Variants in ENG observed in about 807,000 individuals in gnomAD.
ENG encodes the protein CD105 antigen.
Under a neutral mutation model 71.0 loss-of-function variants are expected in ENG, and 17 were observed. That is an observed-to-expected ratio of 0.24 (90% CI 0.16 to 0.36). The LOEUF (loss-of-function observed/expected upper bound fraction) is 0.36. Among genes scored for constraint, ENG ranks in the 10% least tolerant of loss-of-function variants. The pLI is 1.00. For synonymous variants in ENG, 360 were observed against 366.9 expected, an observed-to-expected ratio of 0.98 and a Z score of 0.21; for missense variants, 749 against 868.3, an observed-to-expected ratio of 0.86 and a Z score of 1.73.
At chr9:127,822,727 T>C (rs1039373112) in intron 8 of ENG, among the ~76,000 whole-genome samples, 2 of 152,240 alleles carry the variant, frequency 1.3e-5, no homozygotes, top group Non-Finnish European at 2.9e-5. Context: ...TACATCAATA[T>C]AAGAAATACA....
Position 127,821,880 on chromosome 9 carries a change from T to TA in ENG, c.1135-1844dup, listed in dbSNP as rs34166162. On this transcript the variant is annotated intron_variant, in intron 8 of 14. Transcript: ENST00000373203. ...CCCGGGCAATAGTGTGAGACTGTCTTAAAAAAAAAAAAAAAAAAAAAAAGC... is the reference window on the plus strand; with the variant it reads ...CCCGGGCAATAGTGTGAGACTGTCTTAAAAAAAAAAAAAAAAAAAAAAAAGC... 9.3e-3 allele frequency among the ~76,000 whole-genome samples: 492 copies of TA among 53,006 alleles called. 3 individuals carry two copies. Among genetic ancestry groups the TA allele is most frequent in the African/African-American group, 0.03 (421 of 13,984 alleles). 34.8% of individuals were successfully genotyped at this position (53,006 alleles called of 152,430 possible).
Position 127,825,700 on chromosome 9 carries a change from C to A in ENG, c.684G>T (p.Ser228=). 6.3e-7 allele frequency: 1 copy of A among 1,581,692 alleles called. No individual in the cohort carries two copies. Among genetic ancestry groups the A allele is most frequent in the Non-Finnish European group, 8.6e-7 (1 of 1,167,484 alleles). Residue 228 remains serine (S), a synonymous_variant, in exon 5 of 15, where the codon TCG becomes TCT. Coordinates refer to ENST00000373203, the MANE Select transcript of ENG (RefSeq NM_001114753.3). ...AHILRVLPGH[S]AGPRTVTVKV... Reference sequence around the variant, plus strand: ...GGGCGGGGCGAGAGCCATACCCGGCCGAGTGGCCCGGCAGGACCCTCAGGA... The same window carrying A: ...GGGCGGGGCGAGAGCCATACCCGGCAGAGTGGCCCGGCAGGACCCTCAGGA...
At position 127,843,035 on chromosome 9, in the gene ENG, C is replaced by G. The variant is rs1221914498; in HGVS notation, c.219+59G>C. ...ACAGCCACAAGGAAGGCACCCCTCA[C>G]CCCATCTGCCTTGGAGCTTCCTCTG... On this transcript the variant is annotated intron_variant, in intron 2 of 14. Coordinates refer to ENST00000373203, the MANE Select transcript of ENG (RefSeq NM_001114753.3). The G allele has an allele frequency of 2.5e-6, 4 of 1,611,448 alleles. No homozygotes were observed. The African/African-American group carries it at 5.3e-5, about 22-fold the overall frequency.
intron 3 of ENG, among the ~76,000 whole-genome samples, chr9:127,828,518 C>T (rs1314580164): frequency 6.6e-6 from 1 of 152,336 alleles, no homozygotes; most frequent in East Asian, 1.9e-4. Context: ...GACCTTCCGG[C>T]TGGCGGGCGC....
At chr9:127,837,216 C>T (rs902327592) in intron 2 of ENG, among the ~76,000 whole-genome samples, 17 of 152,258 alleles carry the variant, frequency 1.1e-4, no homozygotes, top group Admixed American at 8.5e-4. Context: ...AACTACAAAT[C>T]TCTCAGCCAT....
chr9:127,818,419 T>C (rs1564452799), intron 11 of ENG, 42 bp from the exon 12 acceptor site: 2 of 1,608,552 alleles, frequency 1.2e-6, no homozygotes, highest in Admixed American at 1.7e-5. Flanking sequence ...GCAGCTGCTC[T>C]TCACCCCACC....
rs936433185 is a variant in ENG, at chr9:127,836,636, C to T, written c.219+6458G>A. Among the ~76,000 whole-genome samples, 2 of 152,234 alleles carry T rather than the reference C, an allele frequency of 1.3e-5. No homozygotes were observed. Among genetic ancestry groups the T allele is most frequent in the African/African-American group, 4.8e-5 (2 of 41,458 alleles). ...ACCTGAATTCAGATGGGGGCTCAGT[C>T]ATTAGCCTGTGACCTTGGACAGTCA... On this transcript the variant is annotated intron_variant, in intron 2 of 14. Transcript: ENST00000373203. This position sits in a 1 kb window ranked among gnomAD's most constrained non-coding sequence, Gnocchi z 4.0.
At chr9:127,832,069 C>CTTTTTTTTTTT (rs1041729379) in intron 2 of ENG, among the ~76,000 whole-genome samples, 10 of 83,620 alleles carry the variant, frequency 1.2e-4, no homozygotes, top group African/African-American at 2.3e-4. Context: ...AGCTACCATT[C>CTTTTTTTTTTT]TTTTTTTTTT....
chr9:127,854,380 C>G lies in ENG; in HGVS notation c.-25G>C, dbSNP rs1829098305. ...TGCTGTCCACGTGGGGGCCTGTGCG[C>G]TGGGCCTTATCCTGTGTCCAGTGGC... On this transcript the variant is annotated 5_prime_UTR_variant, in exon 1 of 15. Transcript: ENST00000373203. 10 of 1,569,860 alleles carry G rather than the reference C, an allele frequency of 6.4e-6. No individual in the cohort carries two copies. The highest frequency in any genetic ancestry group is 7.8e-6 in the Non-Finnish European group (9 of 1,158,044).
intron 1 of ENG, among the ~76,000 whole-genome samples, chr9:127,849,051 T>C (rs947606491): frequency 3.3e-5 from 5 of 152,198 alleles, no homozygotes; most frequent in African/African-American, 1.2e-4. Flanking sequence ...CCTGGTCACC[T>C]GCTTTGACCT....
In ENG at chr9:127,817,203, C is replaced by G; in HGVS notation, c.1687G>C (p.Glu563Gln). The stretch of plus-strand genomic sequence containing the variant: ...CGCATGAAGACAGTCCTATGGACTT[C>G]CTGGAGGAGAAAGAGAGAGCAGTAT... ...LRPKTGSQDQ[E>Q]VHRTVFMRLN... The change falls in exon 13 of 15, where the codon GAA becomes CAA. Residue 563 changes from glutamate to glutamine, a missense_variant and splice_region_variant. Glu to Gln is a conservative substitution (Grantham distance 29). Coordinates refer to ENST00000373203, the MANE Select transcript of ENG (RefSeq NM_001114753.3). 6.2e-7 allele frequency: 1 copy of G among 1,614,138 alleles called. No homozygotes were observed. Among genetic ancestry groups the G allele is most frequent in the Non-Finnish European group, 8.5e-7 (1 of 1,180,018 alleles).
chr9:127,847,004 T>C, intron 1 of ENG: 1 of 965,146 alleles, frequency 1.0e-6, no homozygotes, highest in East Asian at 1.1e-4. Context: ...ATCCCAGCTC[T>C]GCCTCTTAAA....
In ENG at chr9:127,838,866, C is replaced by T. The variant is rs1276318953; in HGVS notation, c.219+4228G>A. Among the ~76,000 whole-genome samples, 1 of 152,126 alleles carries T rather than the reference C, an allele frequency of 6.6e-6. No individual in the cohort carries two copies. Among genetic ancestry groups the T allele is most frequent in the Non-Finnish European group, 1.5e-5 (1 of 68,006 alleles). On this transcript the variant is annotated intron_variant, in intron 2 of 14. Coordinates refer to ENST00000373203, the MANE Select transcript of ENG (RefSeq NM_001114753.3). The surrounding 1 kb of genome is among the most constrained non-coding windows in gnomAD (Gnocchi z 4.3). ...CCAGCACACGCACTGAGCGGCACTT[C>T]CCCAAGGCTCTCGGCTGCCACCGCC...
intron 1 of ENG, among the ~76,000 whole-genome samples, chr9:127,850,400 G>A (rs759651814): frequency 3.3e-5 from 5 of 152,218 alleles, no homozygotes; most frequent in South Asian, 2.1e-4. Context: ...TGGGTCTGTC[G>A]CCCGAGGGCC....
At position 127,815,568 on chromosome 9, in the gene ENG, A is replaced by G. The variant is rs2131870290; in HGVS notation, c.*114T>C. ...GGAGGCGGGAAGGGTAGGCGCGGAG[A>G]GCAGGCTCCATTCTGGGTCGAGTGG... is the stretch of plus-strand genomic sequence containing the variant. On this transcript the variant is annotated 3_prime_UTR_variant, in exon 15 of 15. Transcript: ENST00000373203. The G allele has an allele frequency of 6.8e-7, 1 of 1,469,884 alleles. No individual in the cohort carries two copies. The highest frequency in any genetic ancestry group is 1.4e-5 in the African/African-American group (1 of 71,680). The allele number at this position is 1,469,884 out of a possible 1,614,324, so 91.1% of individuals were successfully genotyped here.
chr9:127,815,751 C>T lies in ENG; in HGVS notation c.1908G>A (p.Glu636=). The T allele has an allele frequency of 6.5e-7, 1 of 1,549,206 alleles. No homozygotes were observed. Among genetic ancestry groups the T allele is most frequent in the South Asian group, 1.2e-5 (1 of 84,466 alleles). The change falls in exon 15 of 15, where the codon GAG becomes GAA. Residue 636 remains glutamate (E), a synonymous_variant. Transcript: ENST00000373203. The part of the protein sequence containing the change: ...VVAVAAPASS[E]SSSTNHSIGS... ...CGATGCTGTGGTTGGTGCTGCTGCTCTCCGAGGAGGCCGGGGCAGCCACCG... is the reference window on the plus strand; with the variant it reads ...CGATGCTGTGGTTGGTGCTGCTGCTTTCCGAGGAGGCCGGGGCAGCCACCG...
At position 127,816,042 on chromosome 9, in the gene ENG, T is replaced by C; in HGVS notation, c.1753A>G (p.Lys585Glu). The C allele has an allele frequency of 6.2e-7, 1 of 1,610,248 alleles. No individual in the cohort carries two copies. The highest frequency in any genetic ancestry group is 8.5e-7 in the Non-Finnish European group (1 of 1,179,168). ...AGCACGGCGGGCAGGACGAGGCCTTTGCTTGTGCAACCTAGAGAGGGCCGA... is the reference window on the plus strand; with the variant it reads ...AGCACGGCGGGCAGGACGAGGCCTTCGCTTGTGCAACCTAGAGAGGGCCGA... ...ISPDLSGCTS[K>E]GLVLPAVLGI... The change falls in exon 14 of 15, where the codon AAA becomes GAA. Residue 585 changes from lysine to glutamate, a missense_variant. By Grantham distance (56) the Lys-to-Glu change is moderately conservative. Coordinates refer to ENST00000373203, the MANE Select transcript of ENG (RefSeq NM_001114753.3).
chr9:127,837,456 C>T (rs1830925813), intron 2 of ENG, among the ~76,000 whole-genome samples: 1 of 152,120 alleles, frequency 6.6e-6, no homozygotes, highest in African/African-American at 2.4e-5. Flanking sequence ...GCCCCTGGTA[C>T]CTCCAGCCTT....
intron 3 of ENG, among the ~76,000 whole-genome samples, chr9:127,827,951 G>A (rs1035529857): frequency 4.9e-5 from 7 of 143,972 alleles, no homozygotes; most frequent in South Asian, 2.2e-4. Flanking sequence ...CCCAGAAGGC[G>A]AAGGTTGCAG....
Sources: allele counts gnomAD v4.1 joint callset (sites outside exome capture counted in the v4.1 genomes callset), GRCh38; gene constraint gnomAD v4.1.1; non-coding constraint Gnocchi (gnomAD v3.1); transcripts MANE v1.5; gene names NCBI Gene and HGNC (gene_info 2026-07-23, HGNC 2026-07-21).